Variants in AFF2 observed in about 807,000 individuals in gnomAD.
AFF2 encodes ALF transcription elongation factor 2, also known as AF4/FMR2 family member 2.
A neutral mutation model predicts 76.9 loss-of-function variants in AFF2; 14 were observed. The ratio of observed to expected loss-of-function variants is 0.18; its 90% confidence interval spans 0.12 to 0.28. AFF2 has a LOEUF of 0.28. Ranked by LOEUF, AFF2 falls within the 10% of genes least tolerant of loss-of-function variation. The probability of loss-of-function intolerance (pLI) is 1.00; values close to 1 mark genes in which losing one functional copy is unlikely to be tolerated. For synonymous variants in AFF2, 398 were observed against 366.7 expected (o/e 1.09, Z -0.98); for missense variants, 868 against 1,001.1 (o/e 0.87, Z 1.79).
intron 3 of AFF2, among the ~76,000 whole-genome samples, chrX:148,779,855 A>G (rs1217502187): frequency 9.8e-5 from 11 of 111,704 alleles, no homozygotes; most frequent in African/African-American, 3.3e-4. Context: ...TGGTCTTTAC[A>G]TTTTGGTTTG....
At chrX:148,780,705 G>A (rs782608678) in intron 3 of AFF2, among the ~76,000 whole-genome samples, 1 of 111,598 alleles carries the variant, frequency 9.0e-6, no homozygotes, top group South Asian at 3.8e-4. Context: ...TGCTCCTTTA[G>A]CTCGGAGGAG....
At chrX:148,729,520 G>A (rs1243596873) in intron 3 of AFF2, among the ~76,000 whole-genome samples, 1 of 111,389 alleles carries the variant, frequency 9.0e-6, no homozygotes, top group Admixed American at 9.5e-5. Flanking sequence ...GAGGGAGAAT[G>A]GATTTGCTCT....
At chrX:148,795,637 C>CTAAT (rs1557270316) in intron 3 of AFF2, among the ~76,000 whole-genome samples, 1 of 100,223 alleles carries the variant, frequency 1.0e-5, no homozygotes, top group Non-Finnish European at 2.0e-5. Context: ...CCTGACTCTA[C>CTAAT]TAATAATACA....
intron 8 of AFF2, among the ~76,000 whole-genome samples, chrX:148,887,419 C>T (rs1438855538): frequency 8.9e-6 from 1 of 112,298 alleles, no homozygotes; most frequent in Non-Finnish European, 1.9e-5. Context: ...TTGATTTTGA[C>T]AGATAAAAAG....
At chrX:148,989,444 T>A (rs1391306762) in intron 20 of AFF2, among the ~76,000 whole-genome samples, 1 of 112,284 alleles carries the variant, frequency 8.9e-6, no homozygotes, top group East Asian at 2.8e-4. Flanking sequence ...CCCTGTGTCA[T>A]CTTGAATGAA....
intron 4 of AFF2, among the ~76,000 whole-genome samples, chrX:148,814,218 T>C (rs1282852731): frequency 8.9e-6 from 1 of 111,880 alleles, no homozygotes; most frequent in African/African-American, 3.2e-5. Flanking sequence ...CAGCTTCTTT[T>C]CTGAGCTCTA....
chrX:148,943,183 TTG>T (rs2071860698), intron 9 of AFF2, among the ~76,000 whole-genome samples: 1 of 112,364 alleles, frequency 8.9e-6, no homozygotes, highest in African/African-American at 3.2e-5. Flanking sequence ...GTTACAGTTT[TTG>T]CCATTCACTT....
intron 10 of AFF2, among the ~76,000 whole-genome samples, chrX:148,954,958 G>C (rs781832701): frequency 1.2e-4 from 14 of 112,613 alleles, no homozygotes; most frequent in Admixed American, 5.6e-4. Flanking sequence ...TCATTGCCAT[G>C]GTTTAGTGGA....
intron 3 of AFF2, among the ~76,000 whole-genome samples, chrX:148,686,608 T>C: frequency 8.9e-6 from 1 of 111,838 alleles, no homozygotes; most frequent in Middle Eastern, 4.6e-3. Context: ...CAACTGGGAA[T>C]GATGATAATA....
At position 148,885,018 on chromosome X, in the gene AFF2, G is replaced by A. The variant is rs140203390; in HGVS notation, c.1263-871G>A. Among the ~76,000 whole-genome samples the A allele has an allele frequency of 3.1e-3, 350 of 111,373 alleles. 1 individual carries two copies. The highest frequency in any genetic ancestry group is 0.011 in the African/African-American group (326 of 30,670). On this transcript the variant is annotated intron_variant, in intron 7 of 20. Coordinates refer to ENST00000370460, the MANE Select transcript of AFF2 (RefSeq NM_002025.4). Reference sequence around the variant, plus strand: ...GTCCCTTCTTGAAGCCTAAGGATGAGGTATAAAGTTATATATAATAAATAA... The same window carrying A: ...GTCCCTTCTTGAAGCCTAAGGATGAAGTATAAAGTTATATATAATAAATAA...
At chrX:148,580,230 A>G (rs146553541) in intron 1 of AFF2, among the ~76,000 whole-genome samples, 214 of 111,469 alleles carry the variant, frequency 1.9e-3, no homozygotes, top group African/African-American at 6.1e-3. Flanking sequence ...CCTATTTGCC[A>G]GATGGCTGCT....
chrX:148,663,439 A>C (rs2054327950), intron 3 of AFF2, among the ~76,000 whole-genome samples: 1 of 112,558 alleles, frequency 8.9e-6, no homozygotes, highest in Non-Finnish European at 1.9e-5. Context: ...CCACTGGTTT[A>C]GAATGAGTAA....
At chrX:148,691,865 A>G (rs2054654650) in intron 3 of AFF2, among the ~76,000 whole-genome samples, 1 of 111,744 alleles carries the variant, frequency 8.9e-6, no homozygotes, top group Non-Finnish European at 1.9e-5. Context: ...CTTAAAATCC[A>G]TCTCAACACA....
chrX:148,623,620 T>C lies in AFF2; in HGVS notation c.48-28379T>C, dbSNP rs185497631. ...ATTTGAATATATATATATATATATA[T>C]TTAACTTGGTCTAGAATTTAAACCA... On this transcript the variant is annotated intron_variant, in intron 1 of 20. Coordinates refer to ENST00000370460, the MANE Select transcript of AFF2 (RefSeq NM_002025.4). Among the ~76,000 whole-genome samples, 641 of 108,284 alleles carry C rather than the reference T, an allele frequency of 5.9e-3. 12 individuals are homozygous for C. Among genetic ancestry groups the C allele is most frequent in the South Asian group, 0.034 (87 of 2,543 alleles). 94.0% of individuals were successfully genotyped at this position (108,284 alleles called of 115,157 possible). A position where few individuals can be genotyped will look rare whatever the true frequency, so the allele number is the denominator to read the frequency against.
At chrX:148,836,268 T>A (rs181933719) in intron 4 of AFF2, among the ~76,000 whole-genome samples, 3,137 of 112,044 alleles carry the variant, frequency 0.028, 50 homozygotes, top group Admixed American at 0.059. Flanking sequence ...TAGTGCTAGG[T>A]AAAATTCAAT....
intron 1 of AFF2, among the ~76,000 whole-genome samples, chrX:148,616,503 G>A (rs782106612): frequency 9.0e-6 from 1 of 111,234 alleles, no homozygotes; most frequent in African/African-American, 3.3e-5. Flanking sequence ...TTGTGTGTAA[G>A]TTGGTATACA....
chrX:148,588,811 C>A (rs1192688938), intron 1 of AFF2, among the ~76,000 whole-genome samples: 3 of 111,687 alleles, frequency 2.7e-5, no homozygotes, highest in African/African-American at 9.8e-5. Flanking sequence ...TCACAGCACT[C>A]CCTGGTGTTT....
At position 148,778,738 on chromosome X, in the gene AFF2, CTT is replaced by C. The variant is rs1218724833; in HGVS notation, c.1042-31135_1042-31134del. On this transcript the variant is annotated intron_variant, in intron 3 of 20. Transcript: ENST00000370460. ...TATTGTGTTGATTTGATTCTTCTCT[CTT>C]TTCTTCTTTATTAGTCTGGCTAGTG... 3.6e-5 allele frequency among the ~76,000 whole-genome samples: 4 copies of C among 111,391 alleles called. No individual in the cohort carries two copies. The Admixed American group carries it at 3.8e-4, about 11-fold the overall frequency.
intron 1 of AFF2, among the ~76,000 whole-genome samples, chrX:148,588,964 A>G (rs1467123791): frequency 9.0e-6 from 1 of 111,096 alleles, no homozygotes; most frequent in Non-Finnish European, 1.9e-5. Context: ...TCCATATGGC[A>G]TGTGGACAGT....
Sources: gnomAD v4.1 joint callset for allele counts (sites outside exome capture counted in the v4.1 genomes callset) on GRCh38, gnomAD v4.1.1 for gene constraint, MANE v1.5 for transcripts, NCBI Gene and HGNC (gene_info 2026-07-23, HGNC 2026-07-21) for gene names.